BRD4: variants seen among roughly 807,000 people sequenced by gnomAD.
BRD4 encodes the protein bromodomain containing 4.
Under a neutral mutation model 142.1 loss-of-function variants are expected in BRD4, and 16 were observed. The ratio of observed to expected loss-of-function variants is 0.11; its 90% CI spans 0.08 to 0.17. The LOEUF is 0.17. Ranked by LOEUF, BRD4 falls within the 10% of genes least tolerant of loss-of-function variation. The pLI, the probability that BRD4 is intolerant of heterozygous loss-of-function variation, is 1.00. For missense variants in BRD4, 1,424 were observed against 1,810.9 expected, an observed-to-expected ratio of 0.79 and a Z score of 3.88; for synonymous variants, 833 against 707.5, an observed-to-expected ratio of 1.18 and a Z score of -2.82.
chr19:15,257,235 C>T lies in BRD4; in HGVS notation c.1342-62G>A, dbSNP rs1025458854. 28 of 1,469,650 alleles carry T rather than the reference C, an allele frequency of 1.9e-5. 1 individual carries two copies. The highest frequency in any genetic ancestry group is 4.2e-5 in the Admixed American group (2 of 47,436). 91.0% of individuals were successfully genotyped at this position (1,469,650 alleles called of 1,614,324 possible). On this transcript the variant is annotated intron_variant, in intron 7 of 19. Transcript: ENST00000679869. Reference sequence around the variant, plus strand: ...TACCCAGGCCGCGGCCTAGCATCACCTGCCCTCATTGGCTGCTGGGGCCAA... The same window carrying T: ...TACCCAGGCCGCGGCCTAGCATCACTTGCCCTCATTGGCTGCTGGGGCCAA...
intron 1 of BRD4, among the ~76,000 whole-genome samples, chr19:15,292,170 CACA>C (rs2047787031): frequency 6.6e-6 from 1 of 152,222 alleles, no homozygotes; most frequent in South Asian, 2.1e-4. Context: ...CCCTAGTTAT[CACA>C]ACATCCCACC....
chr19:15,304,182 G>A (rs1367681746), intron 1 of BRD4, among the ~76,000 whole-genome samples: 2 of 152,192 alleles, frequency 1.3e-5, no homozygotes, highest in African/African-American at 4.8e-5. Context: ...GAAGGCATAC[G>A]GTGGTGACAT....
At chr19:15,270,428 A>G (rs906628462) in intron 2 of BRD4, among the ~76,000 whole-genome samples, 1 of 152,228 alleles carries the variant, frequency 6.6e-6, no homozygotes, top group Non-Finnish European at 1.5e-5. Context: ...GGAGACTGGA[A>G]GCAGACTATC....
intron 10 of BRD4, 90 bp downstream of exon 10, chr19:15,255,207 G>C (rs1269971906): frequency 3.1e-6 from 4 of 1,281,096 alleles, no homozygotes; most frequent in African/African-American, 3.0e-5. Context: ...AAAGGGGGGG[G>C]GCGCAGAAAG....
At chr19:15,326,725 CAGGACG>C (rs1248172207) in intron 1 of BRD4, among the ~76,000 whole-genome samples, 3 of 152,184 alleles carry the variant, frequency 2.0e-5, no homozygotes, top group Non-Finnish European at 4.4e-5. Context: ...TATTCCTCTT[CAGGACG>C]AGGACAAGAA....
intron 1 of BRD4, among the ~76,000 whole-genome samples, chr19:15,281,162 T>G (rs914384721): frequency 2.6e-5 from 4 of 152,234 alleles, no homozygotes; most frequent in East Asian, 3.8e-4. Context: ...CCAGTGGCCG[T>G]GCGCCGAGGC....
intron 7 of BRD4, among the ~76,000 whole-genome samples, chr19:15,262,547 A>C (rs965930868): frequency 6.6e-6 from 1 of 151,132 alleles, no homozygotes; most frequent in African/African-American, 2.4e-5. Flanking sequence ...AAAAAAGAAA[A>C]AAAAAAAGAA....
intron 1 of BRD4, among the ~76,000 whole-genome samples, chr19:15,308,435 A>C (rs1026046382): frequency 2.6e-5 from 4 of 151,354 alleles, no homozygotes; most frequent in African/African-American, 9.7e-5. Context: ...AAAAATACAA[A>C]AATTAGCTGG....
intron 11 of BRD4, among the ~76,000 whole-genome samples, chr19:15,249,896 A>G (rs749348072): frequency 1.3e-5 from 2 of 152,216 alleles, no homozygotes; most frequent in African/African-American, 2.4e-5. Flanking sequence ...AAACTCTAAA[A>G]AGCAGAACCT....
intron 14 of BRD4, among the ~76,000 whole-genome samples, 195 bp from the exon 15 acceptor site, chr19:15,240,217 C>T (rs1252855650): frequency 6.6e-6 from 1 of 152,180 alleles, no homozygotes; most frequent in African/African-American, 2.4e-5. Flanking sequence ...GGACATGACC[C>T]CTCCCCGAAA....
intron 4 of BRD4, 77 bp downstream of exon 4, chr19:15,267,339 C>G: frequency 6.4e-7 from 1 of 1,559,234 alleles, no homozygotes; most frequent in Non-Finnish European, 8.7e-7. Flanking sequence ...TCCTGCCACT[C>G]CCAGCCCCCC....
At chr19:15,255,198 AAG>A (rs2047393881) in intron 10 of BRD4, 97 bp downstream of exon 10, 4 of 1,191,418 alleles carry the variant, frequency 3.4e-6, no homozygotes, top group East Asian at 2.5e-5. Flanking sequence ...GGAAAAAAAA[AAG>A]GGGGGGGGCG....
At chr19:15,258,139 T>C (rs887407537) in intron 7 of BRD4, among the ~76,000 whole-genome samples, 1 of 152,194 alleles carries the variant, frequency 6.6e-6, no homozygotes, top group Non-Finnish European at 1.5e-5. Context: ...AAACACACCA[T>C]GGCAAAGACC....
chr19:15,267,356 C>T, intron 4 of BRD4, 60 bp downstream of exon 4: 1 of 1,589,532 alleles, frequency 6.3e-7, no homozygotes, highest in Admixed American at 1.8e-5. Context: ...CCCCACCAAA[C>T]TTGGAAAAGG....
chr19:15,309,623 AG>A (rs1374724198), intron 1 of BRD4, among the ~76,000 whole-genome samples: 1 of 152,210 alleles, frequency 6.6e-6, no homozygotes, highest in East Asian at 1.9e-4. Flanking sequence ...GCACTCACAG[AG>A]GTATTATTCA....
chr19:15,296,356 A>G (rs2047822924), intron 1 of BRD4, among the ~76,000 whole-genome samples: 1 of 152,256 alleles, frequency 6.6e-6, no homozygotes, highest in Admixed American at 6.5e-5. Context: ...GCACAATTAC[A>G]AGCAACCACA....
At chr19:15,257,622 C>A (rs1055349499) in intron 7 of BRD4, among the ~76,000 whole-genome samples, 3 of 152,210 alleles carry the variant, frequency 2.0e-5, no homozygotes, top group African/African-American at 7.2e-5. Context: ...ACACAGCACA[C>A]GCAGAGGTCC....
At chr19:15,295,433 A>G (rs1192973202) in intron 1 of BRD4, among the ~76,000 whole-genome samples, 5 of 152,030 alleles carry the variant, frequency 3.3e-5, no homozygotes, top group Admixed American at 2.6e-4. Context: ...TGTGTCCTCC[A>G]TTTTTGCTAA....
chr19:15,249,452 C>T (rs2047321214), intron 11 of BRD4, among the ~76,000 whole-genome samples: 1 of 152,128 alleles, frequency 6.6e-6, no homozygotes. Context: ...CCGTGCCTGG[C>T]TAACCCTGGG....
Sources: gnomAD v4.1 joint callset for allele counts (sites outside exome capture counted in the v4.1 genomes callset) on GRCh38, gnomAD v4.1.1 for gene constraint, MANE v1.5 for transcripts, NCBI Gene and HGNC (gene_info 2026-07-23, HGNC 2026-07-21) for gene names.